Variants in TENM3 observed in about 807,000 individuals in gnomAD.
TENM3 encodes the protein teneurin transmembrane protein 3, also known as teneurin-3.
In TENM3, 63 loss-of-function variants were observed where a neutral mutation model predicts 255.1. That is an observed-to-expected ratio of 0.25 (90% CI 0.20 to 0.30). TENM3 has a LOEUF of 0.30. Among genes scored for constraint, TENM3 ranks in the 10% least tolerant of loss-of-function variants. The probability of loss-of-function intolerance (pLI) is 1.00; values close to 1 mark genes in which losing one functional copy is unlikely to be tolerated. For synonymous variants in TENM3, 1,306 were observed against 1,322.3 expected (o/e 0.99, Z 0.27); for missense variants, 2,929 against 3,461.1 (o/e 0.85, Z 3.86).
At chr4:182,506,809 C>A (rs1438901612) in intron 3 of TENM3, among the ~76,000 whole-genome samples, 3 of 152,154 alleles carry the variant, frequency 2.0e-5, no homozygotes. Context: ...GAGCTCGAGA[C>A]ATCTTTTTGA....
chr4:181,698,038 C>A, the TENM3 span, among the ~76,000 whole-genome samples: 2 of 151,792 alleles, frequency 1.3e-5, no homozygotes, highest in Admixed American at 6.6e-5. Context: ...CATAGTGAAA[C>A]CCTGTCTCTA....
the TENM3 span, among the ~76,000 whole-genome samples, chr4:181,800,731 A>C: frequency 6.6e-6 from 1 of 152,180 alleles, no homozygotes; most frequent in Non-Finnish European, 1.5e-5. Context: ...TTTTCTGTAA[A>C]ATGGAAATAA....
chr4:182,527,589 C>T (rs1051943891), intron 3 of TENM3, among the ~76,000 whole-genome samples: 1 of 151,890 alleles, frequency 6.6e-6, no homozygotes, highest in Non-Finnish European at 1.5e-5. Context: ...AATGATGTTA[C>T]AATTCATGAT....
At chr4:182,476,229 A>G (rs995389697) in intron 3 of TENM3, among the ~76,000 whole-genome samples, 1 of 152,214 alleles carries the variant, frequency 6.6e-6, no homozygotes, top group East Asian at 1.9e-4. Context: ...ATTTTAGTCT[A>G]TAGCCAACCT....
chr4:182,399,519 A>G (rs1231301836), intron 3 of TENM3, among the ~76,000 whole-genome samples: 2 of 152,196 alleles, frequency 1.3e-5, no homozygotes, highest in Non-Finnish European at 2.9e-5. Context: ...ATTAGCTATG[A>G]GTTTTCTTGG....
the TENM3 span, among the ~76,000 whole-genome samples, chr4:181,608,287 C>T: frequency 6.6e-6 from 1 of 152,186 alleles, no homozygotes; most frequent in African/African-American, 2.4e-5. Flanking sequence ...AGCAAACATG[C>T]ATAATTTGAA....
the TENM3 span, among the ~76,000 whole-genome samples, chr4:181,668,839 C>T: frequency 6.6e-6 from 1 of 152,170 alleles, no homozygotes; most frequent in Non-Finnish European, 1.5e-5. Context: ...TCTGCCTTCT[C>T]CTTATCTCTT....
chr4:182,185,079 G>T (rs1023109881), intron 1 of TENM3, among the ~76,000 whole-genome samples: 4 of 99,788 alleles, frequency 4.0e-5, no homozygotes, highest in Non-Finnish European at 8.3e-5. Context: ...GCAAAACTCT[G>T]TCAAAAAAAA....
At chr4:182,469,256 A>G (rs1436402494) in intron 3 of TENM3, among the ~76,000 whole-genome samples, 2 of 152,208 alleles carry the variant, frequency 1.3e-5, no homozygotes, top group Non-Finnish European at 1.5e-5. Context: ...CTGCTATCAT[A>G]TGCCCCAATT....
chr4:182,133,621 T>C, the TENM3 span, among the ~76,000 whole-genome samples: 1 of 152,174 alleles, frequency 6.6e-6, no homozygotes, highest in East Asian at 1.9e-4. Flanking sequence ...GCCATCTCAG[T>C]TTATAACATT....
chr4:182,545,603 TCTC>T (rs892441033), intron 3 of TENM3, among the ~76,000 whole-genome samples: 3 of 151,992 alleles, frequency 2.0e-5, no homozygotes, highest in East Asian at 1.9e-4. Flanking sequence ...CCTTGGGCCT[TCTC>T]CTGTTTTGGA....
chr4:181,501,786 A>G, the TENM3 span, among the ~76,000 whole-genome samples: 2 of 152,200 alleles, frequency 1.3e-5, no homozygotes, highest in African/African-American at 2.4e-5. Flanking sequence ...TGATTGGACA[A>G]TCCAGTTCCA....
intron 5 of TENM3, among the ~76,000 whole-genome samples, chr4:182,629,373 G>A (rs943748484): frequency 3.9e-5 from 6 of 152,048 alleles, no homozygotes; most frequent in South Asian, 2.1e-4. Flanking sequence ...AGAACTGGGC[G>A]TCCATAAAGC....
the TENM3 span, among the ~76,000 whole-genome samples, chr4:181,896,019 G>A: frequency 6.6e-6 from 1 of 152,214 alleles, no homozygotes; most frequent in East Asian, 1.9e-4. Flanking sequence ...CCTGCTAATT[G>A]CTTTCTCTAC....
At chr4:181,771,395 T>A in the TENM3 span, among the ~76,000 whole-genome samples, 1 of 152,216 alleles carries the variant, frequency 6.6e-6, no homozygotes, top group African/African-American at 2.4e-5. Flanking sequence ...TACTTTGGAC[T>A]GTATCCTCTA....
the TENM3 span, among the ~76,000 whole-genome samples, chr4:181,485,430 T>C: frequency 6.6e-6 from 1 of 152,128 alleles, no homozygotes; most frequent in Non-Finnish European, 1.5e-5. Context: ...GACGCATTAT[T>C]CATCACTTGT....
At chr4:182,396,988 A>G (rs912548520) in intron 3 of TENM3, among the ~76,000 whole-genome samples, 11 of 151,832 alleles carry the variant, frequency 7.2e-5, no homozygotes, top group African/African-American at 4.8e-5. Context: ...TATATAGAAT[A>G]AAATAAAATA....
the TENM3 span, among the ~76,000 whole-genome samples, chr4:181,636,978 G>A: frequency 6.6e-6 from 1 of 152,066 alleles, no homozygotes; most frequent in Non-Finnish European, 1.5e-5. Context: ...TTCGCTTGAT[G>A]TTCCCGAGAA....
At chr4:182,557,525 G>T (rs530452564) in intron 3 of TENM3, among the ~76,000 whole-genome samples, 1 of 152,066 alleles carries the variant, frequency 6.6e-6, no homozygotes, top group African/African-American at 2.4e-5. Context: ...TCATTTCTAC[G>T]GAACCCTAAG....
Sources: allele counts gnomAD v4.1 joint callset (sites outside exome capture counted in the v4.1 genomes callset), GRCh38; gene constraint gnomAD v4.1.1; transcripts MANE v1.5; gene names NCBI Gene and HGNC (gene_info 2026-07-23, HGNC 2026-07-21).